Variants in OTUD7A observed in about 807,000 individuals in gnomAD.
OTUD7A encodes OTU deubiquitinase 7A, also known as OTU domain-containing protein 7A.
In OTUD7A, 12 loss-of-function variants were observed where a neutral mutation model predicts 65.7. That is an observed-to-expected ratio of 0.18 (90% CI 0.12 to 0.30). The LOEUF is 0.30. OTUD7A is among the 10% of genes least tolerant of loss of function. OTUD7A has a pLI of 1.00. For synonymous variants in OTUD7A, 641 were observed against 586.3 expected (o/e 1.09, Z -1.35); for missense variants, 1,148 against 1,304.8 (o/e 0.88, Z 1.85).
intron 3 of OTUD7A, among the ~76,000 whole-genome samples, chr15:31,636,526 T>C (rs1595675129): frequency 1.3e-5 from 2 of 151,932 alleles, no homozygotes; most frequent in African/African-American, 4.8e-5. Flanking sequence ...TTAACAACCC[T>C]AAAATGTCAA....
At chr15:31,658,363 G>T (rs1892053841) in intron 1 of OTUD7A, among the ~76,000 whole-genome samples, 1 of 152,116 alleles carries the variant, frequency 6.6e-6, no homozygotes, top group Non-Finnish European at 1.5e-5. Context: ...CAGGAATAAG[G>T]GGCCTACCTC....
intron 10 of OTUD7A, among the ~76,000 whole-genome samples, chr15:31,490,494 T>C (rs1203596780): frequency 6.6e-6 from 1 of 152,212 alleles, no homozygotes; most frequent in Non-Finnish European, 1.5e-5. Flanking sequence ...TCACAACTTA[T>C]CTTTAACCCA....
intron 1 of OTUD7A, among the ~76,000 whole-genome samples, chr15:31,867,855 C>T (rs930525048): frequency 2.0e-5 from 3 of 151,510 alleles, no homozygotes; most frequent in Admixed American, 2.0e-4. Context: ...TATGTGCCCC[C>T]AACCCTTCCT....
chr15:31,703,602 G>C (rs1311344708), intron 1 of OTUD7A, among the ~76,000 whole-genome samples: 1 of 152,160 alleles, frequency 6.6e-6, no homozygotes, highest in South Asian at 2.1e-4. Context: ...CAGAGAAACA[G>C]ATCACTCACA....
At chr15:31,560,318 C>T (rs1888649553) in intron 4 of OTUD7A, among the ~76,000 whole-genome samples, 1 of 152,218 alleles carries the variant, frequency 6.6e-6, no homozygotes, top group Admixed American at 6.5e-5. Context: ...TATTCTTTTG[C>T]CACAGCACTC....
chr15:31,735,702 A>G (rs1399203296), intron 1 of OTUD7A, among the ~76,000 whole-genome samples: 1 of 152,196 alleles, frequency 6.6e-6, no homozygotes. Context: ...CAGCAACCCC[A>G]TTACTGGGTA....
At chr15:31,538,733 C>G (rs1305916896) in intron 5 of OTUD7A, among the ~76,000 whole-genome samples, 1 of 152,144 alleles carries the variant, frequency 6.6e-6, no homozygotes, top group African/African-American at 2.4e-5. Context: ...ACACACCCAT[C>G]ACCCAAAACC....
intron 1 of OTUD7A, among the ~76,000 whole-genome samples, chr15:31,841,653 A>C (rs1234203905): frequency 6.6e-6 from 1 of 152,170 alleles, no homozygotes; most frequent in Admixed American, 6.5e-5. Flanking sequence ...CTCTGTCAAG[A>C]CCAGTACTCC....
At chr15:31,709,826 A>G (rs1434798109) in intron 1 of OTUD7A, among the ~76,000 whole-genome samples, 1 of 152,218 alleles carries the variant, frequency 6.6e-6, no homozygotes, top group African/African-American at 2.4e-5. Context: ...ATATATATAC[A>G]CACACATACA....
intron 5 of OTUD7A, among the ~76,000 whole-genome samples, chr15:31,544,277 G>C (rs1218913799): frequency 1.3e-5 from 2 of 151,696 alleles, no homozygotes; most frequent in Non-Finnish European, 3.0e-5. Context: ...ACTTGCAAGA[G>C]TTAAAAAGAA....
intron 5 of OTUD7A, among the ~76,000 whole-genome samples, chr15:31,542,514 A>G (rs1048646046): frequency 5.3e-5 from 8 of 152,070 alleles, no homozygotes; most frequent in East Asian, 1.9e-4. Flanking sequence ...TTTATGAGAC[A>G]TAAGAATAGA....
At chr15:31,674,831 A>T (rs1054876898) in intron 1 of OTUD7A, among the ~76,000 whole-genome samples, 6 of 152,146 alleles carry the variant, frequency 3.9e-5, no homozygotes, top group African/African-American at 1.4e-4. Context: ...CTGCAAGTCC[A>T]CCCACCATTC....
chr15:31,695,006 T>G (rs1392515542), intron 1 of OTUD7A, among the ~76,000 whole-genome samples: 3 of 151,988 alleles, frequency 2.0e-5, no homozygotes, highest in East Asian at 3.9e-4. Context: ...CCACCACGCC[T>G]GGCTAATTTT....
Position 31,657,044 on chromosome 15 carries a change from C to G in OTUD7A, c.-66G>C, listed in dbSNP as rs534249091. 1 of 152,770 alleles carries G rather than the reference C, an allele frequency of 6.5e-6. No individual in the cohort carries two copies. Among genetic ancestry groups the G allele is most frequent in the South Asian group, 2.1e-4 (1 of 4,828 alleles). The allele number at this position is 152,770 out of a possible 1,614,324, so 9.5% of individuals were successfully genotyped here. A position where few individuals can be genotyped will look rare whatever the true frequency, so the allele number is the denominator to read the frequency against. ...TCCTTCTCTCCATGCACTGGGGCCTCGGCCGGGAGAGTCTCTTCTTTCGTC... is the reference window on the plus strand; with the variant it reads ...TCCTTCTCTCCATGCACTGGGGCCTGGGCCGGGAGAGTCTCTTCTTTCGTC... On this transcript the variant is annotated 5_prime_UTR_variant, in exon 2 of 13. Coordinates refer to ENST00000307050, the MANE Select transcript of OTUD7A (RefSeq NM_001382637.1).
At chr15:31,607,408 C>T (rs1315524838) in intron 3 of OTUD7A, among the ~76,000 whole-genome samples, 1 of 152,186 alleles carries the variant, frequency 6.6e-6, no homozygotes, top group African/African-American at 2.4e-5. Flanking sequence ...CTTCAAATTA[C>T]TTAAATACCT....
At position 31,779,399 on chromosome 15, in the gene OTUD7A, G is replaced by A. The variant is rs151007276; in HGVS notation, c.-100+91108C>T. 2.1e-4 allele frequency among the ~76,000 whole-genome samples: 32 copies of A among 152,298 alleles called. No individual in the cohort carries two copies. The East Asian group carries it at 2.3e-3, about 11-fold the overall frequency. On this transcript the variant is annotated intron_variant, in intron 1 of 12. Transcript: ENST00000307050. Reference sequence around the variant, plus strand: ...GTGCTTTTTATCCACATTTTTAGAGGCTACAGGAGACACCTCTGTTTCTCA... The same window carrying A: ...GTGCTTTTTATCCACATTTTTAGAGACTACAGGAGACACCTCTGTTTCTCA...
At chr15:31,674,743 G>C (rs1346914843) in intron 1 of OTUD7A, among the ~76,000 whole-genome samples, 1 of 152,210 alleles carries the variant, frequency 6.6e-6, no homozygotes, top group Admixed American at 6.5e-5. Flanking sequence ...CTGATAGAAA[G>C]AGACAGGCTT....
At chr15:31,823,337 G>T (rs76342467) in intron 1 of OTUD7A, among the ~76,000 whole-genome samples, 1 of 152,286 alleles carries the variant, frequency 6.6e-6, no homozygotes, top group African/African-American at 2.4e-5. Context: ...CAGGGGTGTG[G>T]CCTTAAGAGG....
chr15:31,598,124 C>T (rs1435544379), intron 3 of OTUD7A, among the ~76,000 whole-genome samples: 3 of 152,278 alleles, frequency 2.0e-5, no homozygotes, highest in African/African-American at 7.2e-5. Context: ...TCTGGCTCTC[C>T]GCTCGCAGTC....
Sources: allele counts gnomAD v4.1 joint callset (sites outside exome capture counted in the v4.1 genomes callset), GRCh38; gene constraint gnomAD v4.1.1; transcripts MANE v1.5; gene names NCBI Gene and HGNC (gene_info 2026-07-23, HGNC 2026-07-21).